EYS: variants seen among roughly 807,000 people sequenced by gnomAD.
EYS encodes EGF-like photoreceptor maintenance factor.
Under a neutral mutation model 282.1 loss-of-function variants are expected in EYS, and 250 were observed. That is an observed-to-expected ratio of 0.89 (90% CI 0.80 to 0.98). The LOEUF is 0.98. EYS is among the 50% of genes least tolerant of loss of function. The pLI is 0.00. For missense variants in EYS, 4,016 were observed against 3,709.0 expected (o/e 1.08, Z -2.15); for synonymous variants, 1,355 against 1,282.9 (o/e 1.06, Z -1.20).
intron 35 of EYS, among the ~76,000 whole-genome samples, chr6:63,865,167 A>G (rs771993969): frequency 5.3e-5 from 8 of 152,196 alleles, no homozygotes; most frequent in East Asian, 1.9e-4. Context: ...CAACTGGCCA[A>G]CCTCTGCTAG....
intron 33 of EYS, among the ~76,000 whole-genome samples, chr6:64,025,411 A>T (rs1015790148): frequency 1.3e-5 from 2 of 152,082 alleles, no homozygotes; most frequent in African/African-American, 4.8e-5. Flanking sequence ...TCACCCATCT[A>T]TCCTATCTAT....
At chr6:63,947,619 G>T (rs961642124) in intron 35 of EYS, among the ~76,000 whole-genome samples, 3 of 152,080 alleles carry the variant, frequency 2.0e-5, no homozygotes, top group African/African-American at 7.2e-5. Context: ...GTTATTCGAA[G>T]CACTAAGCTC....
intron 30 of EYS, among the ~76,000 whole-genome samples, chr6:64,265,262 A>G (rs1767719051): frequency 6.6e-6 from 1 of 152,136 alleles, no homozygotes; most frequent in Non-Finnish European, 1.5e-5. Context: ...CATTGTATTG[A>G]TAGTTTGCTG....
intron 8 of EYS, among the ~76,000 whole-genome samples, chr6:65,382,364 A>C: frequency 6.6e-6 from 1 of 151,160 alleles, no homozygotes; most frequent in East Asian, 2.0e-4. Flanking sequence ...GTGTTGTGAT[A>C]AGATGTTCCT....
intron 39 of EYS, among the ~76,000 whole-genome samples, chr6:63,782,059 T>G (rs1770242868): frequency 6.6e-6 from 1 of 152,212 alleles, no homozygotes; most frequent in Non-Finnish European, 1.5e-5. Flanking sequence ...CATTTATTGA[T>G]TTGTGTATGT....
intron 41 of EYS, among the ~76,000 whole-genome samples, chr6:63,746,678 A>G (rs1447110208): frequency 6.6e-6 from 1 of 152,172 alleles, no homozygotes; most frequent in Non-Finnish European, 1.5e-5. Context: ...CCAGGAATTC[A>G]TCCATTTCTT....
At chr6:64,667,990 T>A (rs1462008252) in intron 22 of EYS, among the ~76,000 whole-genome samples, 1 of 152,212 alleles carries the variant, frequency 6.6e-6, no homozygotes, top group Admixed American at 6.5e-5. Context: ...CCAGAGTTTT[T>A]CATTCAGTGA....
intron 13 of EYS, among the ~76,000 whole-genome samples, chr6:65,016,557 T>A (rs186298715): frequency 6.6e-6 from 1 of 152,316 alleles, no homozygotes; most frequent in Non-Finnish European, 1.5e-5. Flanking sequence ...AGGGTGGAGA[T>A]AATCTTTCTG....
At position 63,984,458 on chromosome 6, in the gene EYS, T is replaced by A; in HGVS notation, c.6980A>T (p.His2327Leu). Residue 2327 changes from histidine to leucine, a missense_variant, in exon 35 of 43, where the codon CAT (histidine) becomes CTT (leucine). Transcript: ENST00000503581. ...GTGGCAGTTCTCAATATTCTTTCCATGTCGTGCTTCATCGATGATGAAGAA... is the reference window on the plus strand; with the variant it reads ...GTGGCAGTTCTCAATATTCTTTCCAAGTCGTGCTTCATCGATGATGAAGAA... ...KEFFIIDEAR[H>L]GKNIENCHVP... 5.2e-6 allele frequency: 8 copies of A among 1,549,602 alleles called. No individual in the cohort carries two copies. Among genetic ancestry groups the A allele is most frequent in the Non-Finnish European group, 7.0e-6 (8 of 1,145,506 alleles).
chr6:64,989,462 AAT>A (rs372288581), intron 14 of EYS, among the ~76,000 whole-genome samples: 1,096 of 101,106 alleles, frequency 0.011, 30 homozygotes, highest in East Asian at 0.054. Flanking sequence ...GGCTAGCTGT[AAT>A]ATATATATAT....
At chr6:64,753,891 A>G (rs1205797768) in intron 22 of EYS, among the ~76,000 whole-genome samples, 2 of 152,132 alleles carry the variant, frequency 1.3e-5, no homozygotes, top group African/African-American at 2.4e-5. Context: ...AAAAATTAAA[A>G]TCACATCAAA....
chr6:63,968,797 T>G (rs977190040), intron 35 of EYS, among the ~76,000 whole-genome samples: 8 of 152,194 alleles, frequency 5.3e-5, no homozygotes, highest in Non-Finnish European at 1.2e-4. Flanking sequence ...AAGTCTCCAC[T>G]CAGCCATGCT....
chr6:65,575,275 T>A lies in EYS; in HGVS notation c.-333+64503A>T, dbSNP rs1033928081. Among the ~76,000 whole-genome samples, 6 of 151,650 alleles carry A rather than the reference T, an allele frequency of 4.0e-5. No individual in the cohort carries two copies. The East Asian group carries it at 9.8e-4, about 25-fold the overall frequency. ...CTGGGAGGTGGAAGGTGCAGTGAGC[T>A]GAGATCATGCCACTGCACTCCAGCC... is the stretch of plus-strand genomic sequence containing the variant. On this transcript the variant is annotated intron_variant, in intron 2 of 42. Transcript: ENST00000503581.
chr6:65,275,239 C>G (rs1027978738), intron 12 of EYS, among the ~76,000 whole-genome samples: 4 of 152,190 alleles, frequency 2.6e-5, no homozygotes, highest in African/African-American at 9.6e-5. Context: ...GCTAACTATG[C>G]TCCTTTTGAG....
intron 31 of EYS, among the ~76,000 whole-genome samples, chr6:64,088,691 T>G (rs1434698594): frequency 1.3e-5 from 2 of 151,972 alleles, no homozygotes; most frequent in African/African-American, 4.8e-5. Context: ...CCACTATCAA[T>G]AACAACTCAT....
intron 2 of EYS, among the ~76,000 whole-genome samples, chr6:65,633,195 CACTT>C (rs1766979205): frequency 6.6e-6 from 1 of 152,158 alleles, no homozygotes; most frequent in Admixed American, 6.5e-5. Context: ...AATGCTTTCT[CACTT>C]AGATCTTCTA....
intron 22 of EYS, among the ~76,000 whole-genome samples, chr6:64,811,009 C>A (rs889721899): frequency 6.6e-6 from 1 of 151,936 alleles, no homozygotes; most frequent in East Asian, 1.9e-4. Flanking sequence ...CTTTAAATAT[C>A]AAATAATAAT....
chr6:65,245,242 A>G (rs1269919889), intron 12 of EYS, among the ~76,000 whole-genome samples: 1 of 152,170 alleles, frequency 6.6e-6, no homozygotes, highest in Non-Finnish European at 1.5e-5. Flanking sequence ...TAACTAGCAA[A>G]TGGAATTCTC....
intron 2 of EYS, among the ~76,000 whole-genome samples, chr6:65,573,872 T>G (rs75025130): frequency 6.6e-6 from 1 of 152,170 alleles, no homozygotes; most frequent in Non-Finnish European, 1.5e-5. Context: ...TCACCTTGCA[T>G]ACTGTTACTA....
Sources: gnomAD v4.1 joint callset for allele counts (sites outside exome capture counted in the v4.1 genomes callset) on GRCh38, gnomAD v4.1.1 for gene constraint, MANE v1.5 for transcripts, NCBI Gene and HGNC (gene_info 2026-07-23, HGNC 2026-07-21) for gene names.